The following NOX5 variants were observed in gnomAD, a reference collection of about 807,000 sequenced individuals.
The protein encoded by NOX5 is NADPH oxidase, EF-hand calcium binding domain 5.
In NOX5, 76 loss-of-function variants were observed where a neutral mutation model predicts 85.7. That is an observed-to-expected ratio of 0.89 (90% confidence interval 0.74 to 1.07). The LOEUF is 1.07. Ranked by LOEUF, NOX5 falls within the 50% of genes least tolerant of loss-of-function variation. The pLI is 0.00. For missense variants in NOX5, 973 were observed against 999.5 expected (o/e 0.97, Z 0.36); for synonymous variants, 405 against 401.4 (o/e 1.01, Z -0.11).
intron 1 of NOX5, 66 bp downstream of exon 1, chr15:69,014,851 G>A: frequency 8.4e-7 from 1 of 1,194,296 alleles, no homozygotes; most frequent in Non-Finnish European, 1.2e-6. Flanking sequence ...ATTTGCCTTT[G>A]TGGGATCTAC....
intron 14 of NOX5, among the ~76,000 whole-genome samples, chr15:69,049,903 G>A (rs1373280989): frequency 6.6e-6 from 1 of 152,200 alleles, no homozygotes; most frequent in African/African-American, 2.4e-5. Flanking sequence ...GCATACAGTA[G>A]TGTAACCACC....
chr15:69,032,126 A>C (rs558256721), intron 4 of NOX5, among the ~76,000 whole-genome samples: 403 of 152,354 alleles, frequency 2.6e-3, no homozygotes, highest in South Asian at 4.6e-3. Flanking sequence ...GTTGCCTAGG[A>C]TCACACAAAT....
chr15:69,028,740 A>T (rs1011061626), intron 3 of NOX5: 1 of 159,416 alleles, frequency 6.3e-6, no homozygotes, highest in African/African-American at 2.4e-5. Context: ...AACATTTTAG[A>T]CAATACAGAG....
intron 3 of NOX5, 97 bp from the exon 4 acceptor site, chr15:69,031,421 A>G: frequency 7.3e-7 from 1 of 1,360,606 alleles, no homozygotes; most frequent in Non-Finnish European, 1.0e-6. Context: ...TGAGGGTGAC[A>G]TTTGGTCCTT....
Position 69,060,553 on chromosome 15 carries a change from T to TG in NOX5, c.*3861dup, listed in dbSNP as rs1402540684. The stretch of plus-strand genomic sequence containing the variant: ...TGAAAGTATATTTATCTGTGTGCTC[T>TG]GGGGAGTGGGAATGGAGGGATACAA... On this transcript the variant is annotated 3_prime_UTR_variant, in exon 16 of 16. Transcript: ENST00000388866. 1 of 152,222 alleles carries TG rather than the reference T, an allele frequency of 6.6e-6. No individual in the cohort carries two copies. Among genetic ancestry groups the TG allele is most frequent in the Non-Finnish European group, 1.5e-5 (1 of 68,042 alleles). 9.4% of individuals were successfully genotyped at this position (152,222 alleles called of 1,614,324 possible). A position where few individuals can be genotyped will look rare whatever the true frequency, so the allele number is the denominator to read the frequency against.
chr15:69,028,076 C>A, intron 2 of NOX5, 139 bp from the exon 3 acceptor site: 1 of 856,630 alleles, frequency 1.2e-6, no homozygotes, highest in Non-Finnish European at 1.8e-6. Flanking sequence ...GGTGTTCAGG[C>A]ACCTGAGTTC....
At position 69,035,926 on chromosome 15, in the gene NOX5, G is replaced by A. The variant is rs1389564073; in HGVS notation, c.1178G>A (p.Gly393Asp). ...TCCAGTTCCTGCATCCGCAGGAGTG[G>A]CCACTTTGAGGTGCCCCAGTTGCTG... ...ICSSSCIRRS[G>D]HFEVFYWTHL... Residue 393 changes from glycine to aspartate, a missense_variant, in exon 7 of 16, where the codon GGC becomes GAC. Gly to Asp is a moderately conservative substitution (Grantham distance 94). Transcript: ENST00000388866. The A allele has an allele frequency of 8.7e-6, 14 of 1,613,980 alleles. No individual in the cohort carries two copies. Among genetic ancestry groups the A allele is most frequent in the Admixed American group, 5.0e-5 (3 of 60,002 alleles).
intron 12 of NOX5, 108 bp downstream of exon 12, chr15:69,047,645 T>C (rs1332634507): frequency 7.1e-7 from 1 of 1,413,256 alleles, no homozygotes; most frequent in Non-Finnish European, 9.6e-7. Context: ...CACCTGTCTC[T>C]CTCTGCTCTT....
At chr15:69,037,276 G>A in intron 8 of NOX5, 66 bp downstream of exon 8, 6 of 1,448,950 alleles carry the variant, frequency 4.1e-6, no homozygotes, top group Non-Finnish European at 5.7e-6. Context: ...GTGGGGTGGA[G>A]CAGCTGGATA....
At chr15:69,031,841 G>C in intron 4 of NOX5, 29 bp downstream of exon 4, 1 of 1,570,310 alleles carries the variant, frequency 6.4e-7, no homozygotes. Context: ...CATTGGCACT[G>C]TCCACGGCGG....
At position 69,033,128 on chromosome 15, in the gene NOX5, C is replaced by T; in HGVS notation, c.706C>T (p.Arg236Cys). The T allele has an allele frequency of 6.4e-7, 1 of 1,564,168 alleles. No individual in the cohort carries two copies. Among genetic ancestry groups the T allele is most frequent in the African/African-American group, 1.3e-5 (1 of 74,400 alleles). Residue 236 changes from arginine to cysteine, a missense_variant, in exon 5 of 16, where the codon CGC (arginine) becomes TGC (cysteine). Coordinates refer to ENST00000388866, the MANE Select transcript of NOX5 (RefSeq NM_024505.4). The part of the protein sequence containing the change: ...QLTRAYWHNH[R>C]SQLFCLATYA... ...GACCCGCGCCTACTGGCACAACCAC[C>T]GCAGCCAGCTGTTCTGCCTGGCCAC...
In NOX5 at chr15:69,047,412, G is replaced by T. The variant is rs1261156191; in HGVS notation, c.1693-1G>T. 1 of 1,612,370 alleles carries T rather than the reference G, an allele frequency of 6.2e-7. No homozygotes were observed. The highest frequency in any genetic ancestry group is 1.7e-5 in the Admixed American group (1 of 59,780). ...CTTCTCTGATGCCCTCTTGTGCACA[G>T]TGCTACATCGATGGGCCTTATGGGA... On this transcript the variant is annotated splice_acceptor_variant, in intron 11 of 15. Coordinates refer to ENST00000388866, the MANE Select transcript of NOX5 (RefSeq NM_024505.4). LOFTEE classifies it high-confidence loss of function.
intron 14 of NOX5, among the ~76,000 whole-genome samples, chr15:69,049,310 C>A (rs2050718756): frequency 6.6e-6 from 1 of 151,844 alleles, no homozygotes; most frequent in Admixed American, 6.5e-5. Context: ...TCCACCTTGG[C>A]CTCCAGAGCA....
Position 69,059,509 on chromosome 15 carries a change from C to G in NOX5, c.*2813C>G, listed in dbSNP as rs1370953276. On this transcript the variant is annotated 3_prime_UTR_variant, in exon 16 of 16. Transcript: ENST00000388866. ...CCCCAGAAACTCTACCCTCCCCATA[C>G]CCAGTGTCCAGTTCTGGGCTTTCCT... 1.3e-5 allele frequency: 2 copies of G among 152,216 alleles called. No homozygotes were observed. Among genetic ancestry groups the G allele is most frequent in the Admixed American group, 6.5e-5 (1 of 15,280 alleles). 9.4% of individuals were successfully genotyped at this position (152,216 alleles called of 1,614,324 possible).
chr15:69,049,134 G>C lies in NOX5; in HGVS notation c.1999+76G>C, dbSNP rs933899701. 3.5e-6 allele frequency: 3 copies of C among 860,850 alleles called. No homozygotes were observed. In the African/African-American group the frequency reaches 5.2e-5, roughly 15 times the overall value. 53.3% of individuals were successfully genotyped at this position (860,850 alleles called of 1,614,324 possible). ...AGCTTCTTTAAAAAAATAATTTATT[G>C]ATATGAAACTCACGTAACCTAAAAT... On this transcript the variant is annotated intron_variant, in intron 14 of 15. Transcript: ENST00000388866.
At chr15:69,047,616 C>A in intron 12 of NOX5, 79 bp downstream of exon 12, 1 of 1,517,710 alleles carries the variant, frequency 6.6e-7, no homozygotes, top group Non-Finnish European at 8.9e-7. Context: ...CCCTTTATTC[C>A]TTCTCCTTCC....
Position 69,035,482 on chromosome 15 carries a change from C to T in NOX5, c.984C>T (p.His328=). The change falls in exon 6 of 16, where the codon CAC becomes CAT. Residue 328 remains histidine (H), a synonymous_variant. Transcript: ENST00000388866. The part of the protein sequence containing the change: ...GYVVVGLSLV[H]TVAHTVNFVL... ...TGGTAGTGGGGCTGTCCCTCGTGCA[C>T]ACCGTGGCTCACACTGTGAACTTTG... 1 of 1,614,156 alleles carries T rather than the reference C, an allele frequency of 6.2e-7. No homozygotes were observed. The highest frequency in any genetic ancestry group is 2.2e-5 in the East Asian group (1 of 44,886).
At position 69,045,535 on chromosome 15, in the gene NOX5, T is replaced by TC. The variant is rs1567105038; in HGVS notation, c.1648-1287_1648-1286insC. ...TCTTTCTTTCTTTCTCTTCCTTTCT[T>TC]TTTTCTTTCTTTCTTTCTTTCTTTC... On this transcript the variant is annotated intron_variant, in intron 10 of 15. Transcript: ENST00000388866. 3.7e-3 allele frequency among the ~76,000 whole-genome samples: 195 copies of TC among 53,126 alleles called. 2 individuals carry two copies. The highest frequency in any genetic ancestry group is 0.011 in the African/African-American group (178 of 15,810). The allele number at this position is 53,126 out of a possible 152,430, so 34.9% of individuals were successfully genotyped here. A position where few individuals can be genotyped will look rare whatever the true frequency, so the allele number is the denominator to read the frequency against.
Position 69,057,236 on chromosome 15 carries a change from T to C in NOX5, c.*540T>C, listed in dbSNP as rs1301656404. 3 of 152,344 alleles carry C rather than the reference T, an allele frequency of 2.0e-5. No individual in the cohort carries two copies. Among genetic ancestry groups the C allele is most frequent in the Admixed American group, 6.5e-5 (1 of 15,298 alleles). The allele number at this position is 152,344 out of a possible 1,614,324, so 9.4% of individuals were successfully genotyped here. ...CATCAGTTCCTCCTCCCTCTTTCCATCTGTCAATTTATCTGATTTTTTGGA... is the reference window on the plus strand; with the variant it reads ...CATCAGTTCCTCCTCCCTCTTTCCACCTGTCAATTTATCTGATTTTTTGGA... On this transcript the variant is annotated 3_prime_UTR_variant, in exon 16 of 16. Transcript: ENST00000388866.
Sources: gnomAD v4.1 joint callset for allele counts (sites outside exome capture counted in the v4.1 genomes callset) on GRCh38, gnomAD v4.1.1 for gene constraint, MANE v1.5 for transcripts, NCBI Gene and HGNC (gene_info 2026-07-23, HGNC 2026-07-21) for gene names.